Variants in TMEM134 observed in about 807,000 individuals in gnomAD.
The protein encoded by TMEM134 is transmembrane protein 134.
TMEM134 carries 36 observed loss-of-function variants against 26.2 expected under a neutral mutation model. The observed-to-expected ratio is 1.37, with a 90% CI of 1.05 to 1.81. TMEM134 has a LOEUF of 1.81. Ranked by LOEUF, TMEM134 falls within the 40% of genes most tolerant of loss-of-function variation. The probability of loss-of-function intolerance (pLI) is 0.00; values close to 1 mark genes in which losing one functional copy is unlikely to be tolerated. For synonymous variants in TMEM134, 133 were observed against 113.6 expected, an observed-to-expected ratio of 1.17 and a Z score of -1.08; for missense variants, 339 against 263.5, an observed-to-expected ratio of 1.29 and a Z score of -1.98.
At position 67,464,685 on chromosome 11, in the gene TMEM134, T is replaced by C. The variant is rs773979753; in HGVS notation, c.517A>G (p.Ile173Val). Residue 173 changes from isoleucine to valine, a missense_variant, in exon 7 of 7, where the codon ATC (isoleucine) becomes GTC (valine). Coordinates refer to ENST00000308022, the MANE Select transcript of TMEM134 (RefSeq NM_025124.4). ...CCCTTGACCGCGCAGTAGATGAAGA[T>C]CACGTGATAGACTGCGGGGCGGGGC... ...LLLVPGVYHVIFIYCAVKGHR... is the reference protein window; with the variant it reads ...LLLVPGVYHVVFIYCAVKGHR... The C allele has an allele frequency of 5.2e-6, 8 of 1,553,224 alleles. No homozygotes were observed. The highest frequency in any genetic ancestry group is 4.7e-5 in the South Asian group (4 of 84,322).
intron 2 of TMEM134, 95 bp downstream of exon 2, chr11:67,467,931 GAA>G: frequency 8.7e-7 from 1 of 1,150,624 alleles, no homozygotes; most frequent in Non-Finnish European, 1.3e-6. Context: ...GGACGGGATG[GAA>G]GAGAGTGAGT....
At chr11:67,468,933 A>G in intron 1 of TMEM134, 86 bp downstream of exon 1, 1 of 1,309,364 alleles carries the variant, frequency 7.6e-7, no homozygotes, top group Non-Finnish European at 9.9e-7. Flanking sequence ...CTCTAGGCAG[A>G]TGCTTCCCCG....
chr11:67,469,204 G>A lies in TMEM134; in HGVS notation c.-12C>T, dbSNP rs540202054. 2,988 of 1,271,270 alleles carry A rather than the reference G, an allele frequency of 2.4e-3. 16 individuals are homozygous for A. Among genetic ancestry groups the A allele is most frequent in the South Asian group, 0.019 (713 of 36,822 alleles). 78.7% of individuals were successfully genotyped at this position (1,271,270 alleles called of 1,614,324 possible). On this transcript the variant is annotated 5_prime_UTR_variant, in exon 1 of 7. Coordinates refer to ENST00000308022, the MANE Select transcript of TMEM134 (RefSeq NM_025124.4). ...CGGGCGGCGCTCATGGCCCCGGCCC[G>A]CTCAGGCGCCGTGCGCCGCCGCCAT...
rs56342374 is a variant in TMEM134 at position 67,462,177 on chromosome 11, C to CAAAAAAAAAAAAAAA, written c.*2436_*2437insTTTTTTTTTTTTTTT. The CAAAAAAAAAAAAAAA allele has an allele frequency of 7.7e-6, 1 of 130,278 alleles. No individual in the cohort carries two copies. 8.1% of individuals were successfully genotyped at this position (130,278 alleles called of 1,614,324 possible). A position where few individuals can be genotyped will look rare whatever the true frequency, so the allele number is the denominator to read the frequency against. On this transcript the variant is annotated 3_prime_UTR_variant, in exon 7 of 7. Coordinates refer to ENST00000308022, the MANE Select transcript of TMEM134 (RefSeq NM_025124.4). Reference sequence around the variant, plus strand: ...AGTGAGACTCGTCTCAAAAAAAAAACAAAAAAAAAAAAAACAAGGAGTAAA... The same window carrying CAAAAAAAAAAAAAAA: ...AGTGAGACTCGTCTCAAAAAAAAAACAAAAAAAAAAAAAAAAAAAAAAAAAAAAACAAGGAGTAAA...
rs1420466756 is a variant in TMEM134 at position 67,465,020 on chromosome 11, GT to G, written c.451+35del. ...GTGGACCCGTGGACACAAGACAGGG[GT>G]GTCCTCTGCCTGTGGGGGCGGGAGG... On this transcript the variant is annotated intron_variant, in intron 5 of 6. Coordinates refer to ENST00000308022, the MANE Select transcript of TMEM134 (RefSeq NM_025124.4). The G allele has an allele frequency of 2.0e-6, 3 of 1,518,996 alleles. No homozygotes were observed. In the African/African-American group the frequency reaches 4.1e-5, roughly 21 times the overall value. The allele number at this position is 1,518,996 out of a possible 1,614,324, so 94.1% of individuals were successfully genotyped here.
At chr11:67,467,451 G>T (rs372368165) in intron 3 of TMEM134, 50 bp downstream of exon 3, 5 of 1,612,716 alleles carry the variant, frequency 3.1e-6, no homozygotes, top group African/African-American at 1.3e-5. Context: ...AGGAGGCTGT[G>T]GGGGTGGAGC....
Position 67,464,986 on chromosome 11 carries a change from G to A in TMEM134, c.451+70C>T, listed in dbSNP as rs553859061. On this transcript the variant is annotated intron_variant, in intron 5 of 6. Transcript: ENST00000308022. ...AGCCGTGTACTGCCGGGAGGTGGGA[G>A]GGCTTGCCGTGGACCCGTGGACACA... The A allele has an allele frequency of 2.8e-4, 416 of 1,496,636 alleles. 1 individual carries two copies. In the African/African-American group the frequency reaches 4.7e-3, roughly 17 times the overall value. 92.7% of individuals were successfully genotyped at this position (1,496,636 alleles called of 1,614,324 possible). A position where few individuals can be genotyped will look rare whatever the true frequency, so the allele number is the denominator to read the frequency against.
rs757530886 is a variant in TMEM134 at position 67,468,054 on chromosome 11, C to T, written c.213G>A (p.Pro71=). 1.3e-6 allele frequency: 2 copies of T among 1,563,334 alleles called. No homozygotes were observed. The highest frequency in any genetic ancestry group is 1.7e-6 in the Non-Finnish European group (2 of 1,153,394). Residue 71 remains proline (P), a synonymous_variant, in exon 2 of 7, where the codon CCG becomes CCA. Coordinates refer to ENST00000308022, the MANE Select transcript of TMEM134 (RefSeq NM_025124.4). ...ENDEDGAQAS[P]EPDGGVGTRD... ...TGGTGCCGACTCCCCCATCCGGCTC[C>T]GGAGAGGCCTGGGCTCCATCCTCAT...
At chr11:67,468,313 C>T in intron 1 of TMEM134, 1 of 560,804 alleles carries the variant, frequency 1.8e-6, no homozygotes, top group South Asian at 2.1e-5. Context: ...CTGCATAGAT[C>T]CCAGGGAAAG....
In TMEM134 at chr11:67,467,635, G is replaced by A. The variant is rs56405884; in HGVS notation, c.240-45C>T. 36,580 of 1,590,940 alleles carry A rather than the reference G, an allele frequency of 0.023. 6,777 individuals are homozygous for A. The African/African-American group carries it at 0.42, about 18-fold the overall frequency. Reference sequence around the variant, plus strand: ...GTGAGGGGCAGGGAGGCAAGGACGGGGTTGCTTTGGGACAGGAGTCCTGAT... The same window carrying A: ...GTGAGGGGCAGGGAGGCAAGGACGGAGTTGCTTTGGGACAGGAGTCCTGAT... On this transcript the variant is annotated intron_variant, in intron 2 of 6. Coordinates refer to ENST00000308022, the MANE Select transcript of TMEM134 (RefSeq NM_025124.4).
chr11:67,467,891 G>A (rs1865374912), intron 2 of TMEM134, 137 bp downstream of exon 2: 3 of 839,158 alleles, frequency 3.6e-6, no homozygotes, highest in Admixed American at 2.2e-5. Context: ...GACCCTGTGA[G>A]GAAAGTGAGG....
In TMEM134 at chr11:67,464,557, CG is replaced by C; in HGVS notation, c.*56del. ...GCCTCTTCCCTTGAGATGAGGGGAA[CG>C]GAACAGGGCAAGAGGGGCGCCCCCA... On this transcript the variant is annotated 3_prime_UTR_variant, in exon 7 of 7. Coordinates refer to ENST00000308022, the MANE Select transcript of TMEM134 (RefSeq NM_025124.4). 14 of 1,519,334 alleles carry C rather than the reference CG, an allele frequency of 9.2e-6. No homozygotes were observed. The South Asian group carries it at 1.7e-4, about 18-fold the overall frequency. The allele number at this position is 1,519,334 out of a possible 1,614,324, so 94.1% of individuals were successfully genotyped here.
chr11:67,465,655 G>A lies in TMEM134; in HGVS notation c.407-555C>T, dbSNP rs539802397. On this transcript the variant is annotated intron_variant, in intron 4 of 6. Coordinates refer to ENST00000308022, the MANE Select transcript of TMEM134 (RefSeq NM_025124.4). ...CTTCAAAAAGGGTGGGCCAGGTGTG[G>A]TGGCTCATGCCTGTAATCCCAGTGC... Among the ~76,000 whole-genome samples, 7 of 152,276 alleles carry A rather than the reference G, an allele frequency of 4.6e-5. No individual in the cohort carries two copies. The East Asian group carries it at 1.4e-3, about 29-fold the overall frequency.
intron 1 of TMEM134, 85 bp downstream of exon 1, chr11:67,468,934 T>C (rs1267917446): frequency 1.5e-6 from 2 of 1,313,060 alleles, no homozygotes; most frequent in Non-Finnish European, 2.0e-6. Context: ...TCTAGGCAGA[T>C]GCTTCCCCGA....
chr11:67,468,834 G>A (rs1311080462), intron 1 of TMEM134, among the ~76,000 whole-genome samples, 185 bp downstream of exon 1: 1 of 152,198 alleles, frequency 6.6e-6, no homozygotes, highest in Non-Finnish European at 1.5e-5. Context: ...GCTGGGGCCC[G>A]GTATGGGAAC....
At position 67,468,000 on chromosome 11, in the gene TMEM134, C is replaced by G. The variant is rs773120431; in HGVS notation, c.239+28G>C. 1.2e-5 allele frequency: 18 copies of G among 1,550,572 alleles called. No individual in the cohort carries two copies. The South Asian group carries it at 1.9e-4, about 16-fold the overall frequency. ...GGGGATAGGAGCTGGGGCTGGGGTA[C>G]AGGGTTGGGTCCCCACCTGGCCCTA... On this transcript the variant is annotated intron_variant, in intron 2 of 6. Coordinates refer to ENST00000308022, the MANE Select transcript of TMEM134 (RefSeq NM_025124.4).
At chr11:67,468,539 G>C (rs1353775528) in intron 1 of TMEM134, among the ~76,000 whole-genome samples, 1 of 152,232 alleles carries the variant, frequency 6.6e-6, no homozygotes, top group Non-Finnish European at 1.5e-5. Flanking sequence ...GGTGGGCAAG[G>C]ACTGGTCATG....
intron 2 of TMEM134, 172 bp downstream of exon 2, chr11:67,467,856 G>T (rs1276514767): frequency 7.2e-6 from 5 of 694,530 alleles, no homozygotes; most frequent in South Asian, 3.6e-5. Flanking sequence ...TGGGCACTAG[G>T]GTAGGGTGAC....
intron 2 of TMEM134, 148 bp from the exon 3 acceptor site, chr11:67,467,738 C>T: frequency 1.3e-6 from 1 of 771,306 alleles, no homozygotes; most frequent in Non-Finnish European, 2.1e-6. Flanking sequence ...GGTGGGTGAG[C>T]ATGAATTCAG....
Sources: gnomAD v4.1 joint callset for allele counts (sites outside exome capture counted in the v4.1 genomes callset) on GRCh38, gnomAD v4.1.1 for gene constraint, MANE v1.5 for transcripts, NCBI Gene and HGNC (gene_info 2026-07-23, HGNC 2026-07-21) for gene names.